The following ZSCAN5C variants were observed in gnomAD, a reference collection of about 807,000 sequenced individuals.
ZSCAN5C encodes zinc finger and SCAN domain-containing protein 5C.
ZSCAN5C carries 11 observed loss-of-function variants against 17.3 expected under a neutral mutation model. The observed-to-expected ratio is 0.64, with a 90% confidence interval of 0.40 to 1.06. The LOEUF is 1.06. ZSCAN5C is among the 50% of genes least tolerant of loss of function. ZSCAN5C has a pLI of 0.00. For missense variants in ZSCAN5C, 698 were observed against 538.9 expected (o/e 1.30, Z -2.92); for synonymous variants, 229 against 208.4 (o/e 1.10, Z -0.85).
exon 4 of ZSCAN5C, chr19:56,208,172 C>T (rs750248765): frequency 1.3e-6 from 1 of 779,496 alleles, no homozygotes; most frequent in Non-Finnish European, 2.4e-6. Flanking sequence ...GCCTCAGCTT[C>T]CAAACAGTCC....
Position 56,206,046 on chromosome 19 carries a change from G to A in ZSCAN5C, c.133G>A (p.Val45Met), listed in dbSNP as rs764320968. ...TGACAGTGATCCTGAGACTTGTCAC[G>A]TGAACTTCAGGATGTTCAGCTGCCC... is the stretch of plus-strand genomic sequence containing the variant. The change falls in exon 2 of 5, where the codon GTG becomes ATG. Residue 45 changes from valine (V) to methionine (M), a missense_variant. By Grantham distance (21) the Val-to-Met change is conservative. Coordinates refer to ENST00000534327, the Ensembl canonical transcript of ZSCAN5C. 9 of 1,613,220 alleles carry A rather than the reference G, an allele frequency of 5.6e-6. No individual in the cohort carries two copies. In the Admixed American group the frequency reaches 6.7e-5, roughly 12 times the overall value.
At chr19:56,206,043 C>G in exon 2 of ZSCAN5C, 2 of 1,613,378 alleles carry the variant, frequency 1.2e-6, no homozygotes, top group Non-Finnish European at 1.7e-6. Context: ...TGAGACTTGT[C>G]ACGTGAACTT....
chr19:56,206,680 T>C lies in ZSCAN5C; in HGVS notation c.385-379T>C, dbSNP rs1038779640. ...TGGTGAAATATTAGGCCTGATGGAA[T>C]GTAGGGAAGGAGGCATTAGAGTGAA... On this transcript the variant is annotated intron_variant, in intron 2 of 4. Coordinates refer to ENST00000534327, the Ensembl canonical transcript of ZSCAN5C. 1.1e-4 allele frequency among the ~76,000 whole-genome samples: 16 copies of C among 151,822 alleles called. No individual in the cohort carries two copies. In the South Asian group the frequency reaches 2.3e-3, roughly 22 times the overall value.
chr19:56,204,820 T>C (rs1477598950), intron 1 of ZSCAN5C, among the ~76,000 whole-genome samples: 6 of 151,934 alleles, frequency 3.9e-5, no homozygotes, highest in African/African-American at 1.5e-4. Flanking sequence ...CCCCCACCTG[T>C]GTCTAGGAAA....
exon 5 of ZSCAN5C, chr19:56,208,795 C>T: frequency 6.3e-7 from 1 of 1,579,392 alleles, no homozygotes; most frequent in Non-Finnish European, 8.7e-7. Context: ...AGGTGTGCGG[C>T]AAGAGGTTTA....
At chr19:56,202,708 C>A (rs2032884378) in intron 1 of ZSCAN5C, among the ~76,000 whole-genome samples, 1 of 151,958 alleles carries the variant, frequency 6.6e-6, no homozygotes, top group Non-Finnish European at 1.5e-5. Flanking sequence ...CACTTGCCAC[C>A]ATGCCTGAAT....
intron 1 of ZSCAN5C, among the ~76,000 whole-genome samples, chr19:56,204,413 G>A (rs1319741400): frequency 6.6e-6 from 1 of 151,568 alleles, no homozygotes; most frequent in African/African-American, 2.4e-5. Context: ...CACTCTAGCA[G>A]GCGTGAGGGG....
chr19:56,208,248 T>G (rs2032946453), intron 4 of ZSCAN5C, 64 bp downstream of exon 4: 3 of 695,258 alleles, frequency 4.3e-6, no homozygotes. Context: ...GGGGCTGGGG[T>G]CCCAGCATTA....
chr19:56,207,180 T>A (rs746123190), exon 3 of ZSCAN5C: 1 of 778,284 alleles, frequency 1.3e-6, no homozygotes, highest in Non-Finnish European at 2.4e-6. Context: ...ACCTCCTCTG[T>A]GAACCAGATG....
At chr19:56,208,798 G>C in exon 5 of ZSCAN5C, 1 of 1,578,310 alleles carries the variant, frequency 6.3e-7, no homozygotes, top group Non-Finnish European at 8.7e-7. Context: ...TGTGCGGCAA[G>C]AGGTTTAAGT....
chr19:56,207,403 T>C, intron 3 of ZSCAN5C, 141 bp downstream of exon 3: 1 of 567,640 alleles, frequency 1.8e-6, no homozygotes. Context: ...TCCCCAAACA[T>C]TCATTCCTGA....
downstream of ZSCAN5C, chr19:56,209,245 A>T: frequency 1.6e-6 from 1 of 641,974 alleles, no homozygotes; most frequent in Non-Finnish European, 2.8e-6. Context: ...GTGTGAATGA[A>T]GATTTTTCAC....
chr19:56,207,357 G>C, intron 3 of ZSCAN5C, 95 bp downstream of exon 3: 1 of 625,888 alleles, frequency 1.6e-6, no homozygotes, highest in Non-Finnish European at 2.9e-6. Flanking sequence ...TTTGGCACAG[G>C]ACAAGATTAC....
intron 3 of ZSCAN5C, 115 bp from the exon 4 acceptor site, chr19:56,207,918 GA>G (rs2032941899): frequency 3.3e-6 from 2 of 612,204 alleles, no homozygotes; most frequent in Non-Finnish European, 5.8e-6. Flanking sequence ...ACCAAACAGT[GA>G]AAACCACCAC....
chr19:56,208,233 G>C (rs754971147), intron 4 of ZSCAN5C, 49 bp downstream of exon 4: 2 of 724,278 alleles, frequency 2.8e-6, no homozygotes, highest in African/African-American at 3.5e-5. Flanking sequence ...TCTCTTCTGG[G>C]GTGTGGGGCT....
At chr19:56,207,374 T>TC in intron 3 of ZSCAN5C, 112 bp downstream of exon 3, 1 of 603,444 alleles carries the variant, frequency 1.7e-6, no homozygotes, top group South Asian at 2.0e-5. Flanking sequence ...TTACAGCCAT[T>TC]CCCCATGGAC....
At chr19:56,205,009 A>C (rs1383633580) in intron 1 of ZSCAN5C, among the ~76,000 whole-genome samples, 2 of 144,512 alleles carry the variant, frequency 1.4e-5, no homozygotes, top group Non-Finnish European at 3.0e-5. Context: ...CCATTTTCTG[A>C]GATGAGATTA....
chr19:56,202,541 T>G (rs560026458), intron 1 of ZSCAN5C, among the ~76,000 whole-genome samples: 4 of 151,970 alleles, frequency 2.6e-5, no homozygotes, highest in African/African-American at 9.7e-5. Context: ...GTTATATAAC[T>G]CTCCCTTAAA....
exon 2 of ZSCAN5C, chr19:56,206,245 G>A: frequency 6.4e-7 from 1 of 1,554,608 alleles, no homozygotes; most frequent in South Asian, 1.2e-5. Flanking sequence ...GGTGTGCAGA[G>A]CTGCAAAGAC....
Sources: gnomAD v4.1 joint callset for allele counts (sites outside exome capture counted in the v4.1 genomes callset) on GRCh38, gnomAD v4.1.1 for gene constraint, MANE v1.5 for transcripts, NCBI Gene and HGNC (gene_info 2026-07-23, HGNC 2026-07-21) for gene names.